The following SBK1 variants were observed in gnomAD, a reference collection of about 807,000 sequenced individuals.
The protein encoded by SBK1 is serine/threonine-protein kinase SBK1.
A neutral mutation model predicts 24.4 loss-of-function variants in SBK1; 11 were observed. That is an observed-to-expected ratio of 0.45 (90% CI 0.28 to 0.75). SBK1 has a LOEUF of 0.75. Among genes scored for constraint, SBK1 ranks in the 30% least tolerant of loss-of-function variants. The pLI is 0.12. For synonymous variants in SBK1, 308 were observed against 284.4 expected (o/e 1.08, Z -0.83); for missense variants, 467 against 620.5 (o/e 0.75, Z 2.63).
At position 28,293,133 on chromosome 16, in the gene SBK1, T is replaced by A. The variant is rs1418106539; in HGVS notation, c.-175T>A. The A allele has an allele frequency of 3.0e-6, 3 of 985,312 alleles. No individual in the cohort carries two copies. Among genetic ancestry groups the A allele is most frequent in the East Asian group, 1.1e-4 (1 of 8,890 alleles). 61.0% of individuals were successfully genotyped at this position (985,312 alleles called of 1,614,324 possible). On this transcript the variant is annotated 5_prime_UTR_variant, in exon 1 of 4. Transcript: ENST00000341901. ...GAGACACTCTCACCAGCAAGAAGCC[T>A]CGGGGATCCCCCCCCTAAAGCTCCA... is the stretch of plus-strand genomic sequence containing the variant.
At chr16:28,302,968 G>C (rs572701524) in intron 1 of SBK1, among the ~76,000 whole-genome samples, 30 of 151,880 alleles carry the variant, frequency 2.0e-4, no homozygotes, top group African/African-American at 5.8e-4. Context: ...GCATGGGGGG[G>C]GGTCAGGAGT....
chr16:28,266,066 C>T (rs1036536348), intron 1 of SBK1, among the ~76,000 whole-genome samples: 1 of 151,938 alleles, frequency 6.6e-6, no homozygotes, highest in Non-Finnish European at 1.5e-5. Flanking sequence ...TCTCTGTATC[C>T]TAAAGCCCCA....
intron 1 of SBK1, among the ~76,000 whole-genome samples, chr16:28,304,990 A>G (rs528104137): frequency 3.4e-4 from 51 of 151,932 alleles, no homozygotes; most frequent in South Asian, 2.5e-3. Flanking sequence ...GCTCACTACA[A>G]TCTCCACCTC....
intron 1 of SBK1, among the ~76,000 whole-genome samples, chr16:28,269,712 A>AT (rs537389946): frequency 2.1e-5 from 2 of 97,128 alleles, no homozygotes; most frequent in East Asian, 2.1e-3. Flanking sequence ...TACTAAAAAT[A>AT]CAAAAAAAAA....
intron 1 of SBK1, among the ~76,000 whole-genome samples, chr16:28,265,590 T>C (rs2044423255): frequency 6.6e-6 from 1 of 151,742 alleles, no homozygotes; most frequent in Non-Finnish European, 1.5e-5. Context: ...CTAAAAAATA[T>C]AAAAATTAAA....
chr16:28,264,140 A>C (rs573868273), intron 1 of SBK1, among the ~76,000 whole-genome samples: 1 of 152,222 alleles, frequency 6.6e-6, no homozygotes, highest in Admixed American at 6.5e-5. Flanking sequence ...AAAACTAAAA[A>C]TAAAATAAAA....
chr16:28,295,854 G>A (rs1018553019), intron 1 of SBK1, among the ~76,000 whole-genome samples: 4 of 151,144 alleles, frequency 2.6e-5, no homozygotes, highest in African/African-American at 9.7e-5. Context: ...CCAGGCAGCC[G>A]TTCGCTCCCT....
At chr16:28,315,836 G>A (rs1394059594) in intron 1 of SBK1, among the ~76,000 whole-genome samples, 1 of 152,114 alleles carries the variant, frequency 6.6e-6, no homozygotes, top group Non-Finnish European at 1.5e-5. Context: ...CACGATCTCT[G>A]CTCACTGCAG....
chr16:28,276,265 G>A (rs902190140), intron 1 of SBK1, among the ~76,000 whole-genome samples: 2 of 152,142 alleles, frequency 1.3e-5, no homozygotes, highest in African/African-American at 2.4e-5. Context: ...GATGGAATGC[G>A]GAATCTCGGG....
intron 1 of SBK1, among the ~76,000 whole-genome samples, chr16:28,281,803 C>T (rs897721417): frequency 1.3e-5 from 2 of 152,096 alleles, no homozygotes; most frequent in African/African-American, 4.8e-5. Flanking sequence ...GAACAGAGGC[C>T]CCCTGAGGGC....
chr16:28,284,372 C>A (rs2044552242), intron 1 of SBK1, among the ~76,000 whole-genome samples: 1 of 152,236 alleles, frequency 6.6e-6, no homozygotes, highest in Non-Finnish European at 1.5e-5. Context: ...GAGAATCCTG[C>A]CTCCTTCTGG....
Position 28,305,537 on chromosome 16 carries a change from C to CT in SBK1, c.-7-11833dup, listed in dbSNP as rs771013330. Among the ~76,000 whole-genome samples the CT allele has an allele frequency of 6.5e-3, 822 of 126,388 alleles. 3 individuals carry two copies. Among genetic ancestry groups the CT allele is most frequent in the South Asian group, 0.054 (208 of 3,874 alleles). 82.9% of individuals were successfully genotyped at this position (126,388 alleles called of 152,430 possible). Reference sequence around the variant, plus strand: ...CCAATCTGTCTCTCTTTCTTTGTTTCTTTTTTTTTTTTTTTAGAGAGACTT... The same window carrying CT: ...CCAATCTGTCTCTCTTTCTTTGTTTCTTTTTTTTTTTTTTTTAGAGAGACTT... On this transcript the variant is annotated intron_variant, in intron 1 of 3. Coordinates refer to ENST00000341901, the MANE Select transcript of SBK1 (RefSeq NM_001024401.3).
intron 1 of SBK1, among the ~76,000 whole-genome samples, chr16:28,314,856 G>C (rs2044781563): frequency 6.6e-6 from 1 of 152,208 alleles, no homozygotes; most frequent in Non-Finnish European, 1.5e-5. Flanking sequence ...GCGCACACCT[G>C]TAATCCCAGC....
chr16:28,302,301 C>A (rs1404804198), intron 1 of SBK1, among the ~76,000 whole-genome samples: 4 of 152,228 alleles, frequency 2.6e-5, no homozygotes, highest in African/African-American at 9.6e-5. Context: ...TGGCCCCCAC[C>A]CTCTGGCAGT....
At position 28,321,066 on chromosome 16, in the gene SBK1, C is replaced by G. The variant is rs890114585; in HGVS notation, c.*145C>G. Reference sequence around the variant, plus strand: ...GCAGGACGCGGCCCGGCACCTGGTCCGTCCCCGGCGGGCTGGTGAGGGGGC... The same window carrying G: ...GCAGGACGCGGCCCGGCACCTGGTCGGTCCCCGGCGGGCTGGTGAGGGGGC... On this transcript the variant is annotated 3_prime_UTR_variant, in exon 4 of 4. Transcript: ENST00000341901. 144 of 755,502 alleles carry G rather than the reference C, an allele frequency of 1.9e-4. 1 individual carries two copies. In the Admixed American group the frequency reaches 3.6e-3, roughly 19 times the overall value. The allele number at this position is 755,502 out of a possible 1,614,324, so 46.8% of individuals were successfully genotyped here. A position where few individuals can be genotyped will look rare whatever the true frequency, so the allele number is the denominator to read the frequency against.
intron 1 of SBK1, among the ~76,000 whole-genome samples, chr16:28,274,837 G>A (rs1219071477): frequency 6.6e-6 from 1 of 152,178 alleles, no homozygotes; most frequent in Admixed American, 6.6e-5. Flanking sequence ...TGTAATGTGA[G>A]GGGGGATAGG....
upstream of SBK1, among the ~76,000 whole-genome samples, chr16:28,287,699 C>T (rs1378563600): frequency 6.6e-6 from 1 of 152,174 alleles, no homozygotes; most frequent in East Asian, 1.9e-4. Context: ...AGTTTCACTC[C>T]GTTGCTCAGA....
intron 1 of SBK1, among the ~76,000 whole-genome samples, chr16:28,284,548 G>A (rs911593000): frequency 5.9e-5 from 9 of 152,244 alleles, no homozygotes; most frequent in East Asian, 3.9e-4. Context: ...TCAGGGTGGC[G>A]GGGCCCAGGG....
Position 28,320,567 on chromosome 16 carries a change from G to A in SBK1, c.921G>A (p.Lys307=). ...ALEPERRGPA[K]EVFRFLKHEL... ...AGCCCGAGCGCCGCGGCCCAGCCAA[G>A]GAGGTGTTCCGCTTCCTCAAGCACG... is the stretch of plus-strand genomic sequence containing the variant. The change falls in exon 4 of 4, where the codon AAG becomes AAA. Residue 307 remains lysine (K), a synonymous_variant. Transcript: ENST00000341901. This position sits in a 1 kb window ranked among gnomAD's most constrained non-coding sequence, Gnocchi z 8.5. The A allele has an allele frequency of 6.5e-7, 1 of 1,541,842 alleles. No homozygotes were observed.
Sources: allele counts gnomAD v4.1 joint callset (sites outside exome capture counted in the v4.1 genomes callset), GRCh38; gene constraint gnomAD v4.1.1; non-coding constraint Gnocchi (gnomAD v3.1); transcripts MANE v1.5; gene names NCBI Gene and HGNC (gene_info 2026-07-23, HGNC 2026-07-21).